The following MARK3 variants were observed in gnomAD, a reference collection of about 807,000 sequenced individuals.
MARK3 encodes the protein MAP/microtubule affinity-regulating kinase 3.
Under a neutral mutation model 90.1 loss-of-function variants are expected in MARK3, and 46 were observed. The ratio of observed to expected loss-of-function variants is 0.51; its 90% CI spans 0.40 to 0.65. MARK3 has a LOEUF of 0.65. MARK3 is among the 30% of genes least tolerant of loss of function. The pLI is 0.00. For missense variants in MARK3, 818 were observed against 947.2 expected, an observed-to-expected ratio of 0.86 and a Z score of 1.79; for synonymous variants, 321 against 332.6, an observed-to-expected ratio of 0.97 and a Z score of 0.38.
intron 15 of MARK3, among the ~76,000 whole-genome samples, chr14:103,492,357 T>C (rs1444586678): frequency 6.6e-6 from 1 of 152,026 alleles, no homozygotes; most frequent in East Asian, 1.9e-4. Flanking sequence ...AGTTCTGGTG[T>C]GGGGTGGGGG....
intron 12 of MARK3, among the ~76,000 whole-genome samples, chr14:103,469,975 C>T (rs1037220893): frequency 5.3e-5 from 8 of 151,002 alleles, no homozygotes; most frequent in Non-Finnish European, 1.0e-4. Flanking sequence ...GTAGGAGAAT[C>T]GCTTGAACCT....
intron 2 of MARK3, among the ~76,000 whole-genome samples, chr14:103,405,531 C>G (rs1475717085): frequency 6.6e-6 from 1 of 151,992 alleles, no homozygotes; most frequent in African/African-American, 2.4e-5. Flanking sequence ...TTTGTAGAGA[C>G]AGGGTTTCAC....
At chr14:103,435,482 C>T (rs1281647872) in intron 3 of MARK3, among the ~76,000 whole-genome samples, 2 of 152,222 alleles carry the variant, frequency 1.3e-5, no homozygotes, top group African/African-American at 2.4e-5. Context: ...GATCTCAGCT[C>T]ACTGCAAGCT....
intron 14 of MARK3, among the ~76,000 whole-genome samples, chr14:103,486,375 G>A (rs895283461): frequency 6.6e-6 from 1 of 151,008 alleles, no homozygotes; most frequent in African/African-American, 2.4e-5. Context: ...GGAGATGGAG[G>A]TTGTAGTGAG....
intron 15 of MARK3, among the ~76,000 whole-genome samples, chr14:103,494,943 T>C (rs918966916): frequency 6.6e-6 from 1 of 152,228 alleles, no homozygotes; most frequent in Admixed American, 6.5e-5. Context: ...GATGTCTATA[T>C]ACATAGATAC....
chr14:103,422,448 C>T (rs908695438), intron 2 of MARK3, among the ~76,000 whole-genome samples: 6 of 152,110 alleles, frequency 3.9e-5, no homozygotes, highest in African/African-American at 1.4e-4. Context: ...GAGCAAGACT[C>T]CATTTCAAAA....
rs1471829949 is a variant in MARK3 at position 103,446,733 on chromosome 14, T to TC, written c.298-2186_298-2185insC. ...GTCTTTTTTTTTTTTTTTTTTTTTT[T>TC]TTGAGTTGGAGTCTTGCTCTGTCAC... is the stretch of plus-strand genomic sequence containing the variant. On this transcript the variant is annotated intron_variant, in intron 3 of 17. Coordinates refer to ENST00000429436, the MANE Select transcript of MARK3 (RefSeq NM_001128918.3). Among the ~76,000 whole-genome samples the TC allele has an allele frequency of 5.4e-5, 6 of 111,274 alleles. No individual in the cohort carries two copies. In the South Asian group the frequency reaches 1.8e-3, roughly 33 times the overall value. 73.0% of individuals were successfully genotyped at this position (111,274 alleles called of 152,430 possible).
chr14:103,462,287 C>A, intron 6 of MARK3, 118 bp from the exon 7 acceptor site: 2 of 638,514 alleles, frequency 3.1e-6, no homozygotes, highest in East Asian at 2.9e-5. Context: ...TTTAGAAATC[C>A]ACACGGACAT....
Position 103,480,427 on chromosome 14 carries a change from A to AC in MARK3, c.1523_1524insC (p.Val509CysfsTer4). 6.2e-7 allele frequency: 1 copy of AC among 1,613,746 alleles called. No individual in the cohort carries two copies. Among genetic ancestry groups the AC allele is most frequent in the Non-Finnish European group, 8.5e-7 (1 of 1,179,724 alleles). ...GGTGGAATGACACGACGAAATACTT[A>AC]TGTTTGCAGTGAGAGAACTACAGCT... is the stretch of plus-strand genomic sequence containing the variant. On this transcript the variant is annotated frameshift_variant, in exon 14 of 18. Coordinates refer to ENST00000429436, the MANE Select transcript of MARK3 (RefSeq NM_001128918.3). LOFTEE classifies it high-confidence loss of function.
intron 3 of MARK3, among the ~76,000 whole-genome samples, chr14:103,435,132 G>A (rs1409576047): frequency 2.6e-5 from 4 of 152,202 alleles, no homozygotes; most frequent in Non-Finnish European, 4.4e-5. Context: ...GTCGTGTAAT[G>A]ACTTTTACTG....
chr14:103,491,725 G>A lies in MARK3; in HGVS notation c.1587-52G>A, dbSNP rs1237950649. On this transcript the variant is annotated intron_variant, in intron 14 of 17. Transcript: ENST00000429436. ...TGTGTATAAAAGGTATATTGTGACTGTAAATTTTTGTATATCATGTTCTGA... is the reference window on the plus strand; with the variant it reads ...TGTGTATAAAAGGTATATTGTGACTATAAATTTTTGTATATCATGTTCTGA... 14 of 1,584,922 alleles carry A rather than the reference G, an allele frequency of 8.8e-6. No homozygotes were observed. In the South Asian group the frequency reaches 1.2e-4, roughly 14 times the overall value.
At position 103,411,154 on chromosome 14, in the gene MARK3, G is replaced by T. The variant is rs537619734; in HGVS notation, c.243+5887G>T. The stretch of plus-strand genomic sequence containing the variant: ...CTGGGCATGGTGGCGGGCGCCTGTA[G>T]CCCCAGCTGTTCAGGAGGCTAAGGC... On this transcript the variant is annotated intron_variant, in intron 2 of 17. Coordinates refer to ENST00000429436, the MANE Select transcript of MARK3 (RefSeq NM_001128918.3). Among the ~76,000 whole-genome samples, 17 of 152,042 alleles carry T rather than the reference G, an allele frequency of 1.1e-4. No homozygotes were observed. The South Asian group carries it at 3.1e-3, about 28-fold the overall frequency.
At chr14:103,437,895 C>G (rs1473705692) in intron 3 of MARK3, among the ~76,000 whole-genome samples, 5 of 152,172 alleles carry the variant, frequency 3.3e-5, no homozygotes, top group Non-Finnish European at 7.3e-5. Context: ...GTGAGTGGTA[C>G]AGCTGGGTTG....
intron 5 of MARK3, among the ~76,000 whole-genome samples, chr14:103,455,610 C>A (rs1238473413): frequency 6.6e-6 from 1 of 151,896 alleles, no homozygotes; most frequent in Non-Finnish European, 1.5e-5. Context: ...CGCCTGTAAT[C>A]CCAGCTACTC....
At chr14:103,416,579 T>C (rs2091952325) in intron 2 of MARK3, among the ~76,000 whole-genome samples, 1 of 152,210 alleles carries the variant, frequency 6.6e-6, no homozygotes, top group Admixed American at 6.5e-5. Flanking sequence ...GAGACCAGCC[T>C]GGCCAACATG....
intron 1 of MARK3, chr14:103,386,524 C>G (rs945183168): frequency 5.0e-6 from 2 of 397,466 alleles, no homozygotes; most frequent in Non-Finnish European, 1.0e-5. Context: ...TCGATTGGGT[C>G]AAGTGGGCGG....
chr14:103,399,113 A>C (rs1485121877), intron 1 of MARK3, among the ~76,000 whole-genome samples: 1 of 152,196 alleles, frequency 6.6e-6, no homozygotes, highest in African/African-American at 2.4e-5. Context: ...ACTATTCTGG[A>C]ACCATATTGA....
At chr14:103,457,080 T>A in intron 5 of MARK3, 62 bp from the exon 6 acceptor site, 1 of 1,013,616 alleles carries the variant, frequency 9.9e-7, no homozygotes, top group Admixed American at 2.0e-5. Flanking sequence ...AAACATCAAT[T>A]TATGGGAAAA....
chr14:103,423,906 T>C (rs954138708), intron 2 of MARK3, among the ~76,000 whole-genome samples: 1 of 152,182 alleles, frequency 6.6e-6, no homozygotes, highest in Non-Finnish European at 1.5e-5. Flanking sequence ...AAGATGAAAG[T>C]GTATAAGAAC....
Sources: gnomAD v4.1 joint callset for allele counts (sites outside exome capture counted in the v4.1 genomes callset) on GRCh38, gnomAD v4.1.1 for gene constraint, MANE v1.5 for transcripts, NCBI Gene and HGNC (gene_info 2026-07-23, HGNC 2026-07-21) for gene names.